The following LRP1B variants were observed in gnomAD, a reference collection of about 807,000 sequenced individuals.
The protein encoded by LRP1B is LDL receptor related protein 1B, also known as low-density lipoprotein receptor-related protein 1B.
Under a neutral mutation model 556.6 loss-of-function variants are expected in LRP1B, and 217 were observed. The ratio of observed to expected loss-of-function variants is 0.39; its 90% CI spans 0.35 to 0.44. The LOEUF (loss-of-function observed/expected upper bound fraction) is 0.44, where lower values mean the gene tolerates loss of function less well. Among genes scored for constraint, LRP1B ranks in the 20% least tolerant of loss-of-function variants. The pLI, the probability that LRP1B is intolerant of heterozygous loss-of-function variation, is 1.00. For missense variants in LRP1B, 5,053 were observed against 5,620.8 expected, an observed-to-expected ratio of 0.90 and a Z score of 3.23; for synonymous variants, 2,047 against 1,865.8, an observed-to-expected ratio of 1.10 and a Z score of -2.50.
intron 2 of LRP1B, among the ~76,000 whole-genome samples, chr2:141,710,785 C>T (rs1692329636): frequency 1.3e-5 from 2 of 152,240 alleles, no homozygotes; most frequent in South Asian, 4.1e-4. Context: ...TGAAAGTGAC[C>T]TTTGGTTATT....
intron 3 of LRP1B, among the ~76,000 whole-genome samples, chr2:141,332,620 C>CT (rs900856792): frequency 1.3e-5 from 2 of 151,048 alleles, no homozygotes; most frequent in Non-Finnish European, 1.5e-5. Context: ...TCACAGCATT[C>CT]TTTTTTTTCT....
chr2:142,123,443 C>A (rs921406697), intron 1 of LRP1B, among the ~76,000 whole-genome samples: 1 of 151,898 alleles, frequency 6.6e-6, no homozygotes, highest in Admixed American at 6.6e-5. Context: ...TAGGTGGTAC[C>A]TTGATCTTAC....
rs1694146236 is a variant in LRP1B, at chr2:140,902,938, C to T, written c.3748G>A (p.Glu1250Lys). Residue 1250 changes from glutamate to lysine, a missense_variant, in exon 23 of 91, where the codon GAA becomes AAA. Physicochemically the swap from Glu to Lys is moderately conservative, Grantham distance 56 (BLOSUM62 1). Coordinates refer to ENST00000389484, the MANE Select transcript of LRP1B (RefSeq NM_018557.3). The part of the protein sequence containing the change: ...YEGWKLDVDG[E>K]SCTSVDPFEA... Reference sequence around the variant, plus strand: ...TACTTACCAACACTTGTACAACTTTCACCGTCTACATCCAGCTTCCAACCT... The same window carrying T: ...TACTTACCAACACTTGTACAACTTTTACCGTCTACATCCAGCTTCCAACCT... 7.4e-6 allele frequency: 12 copies of T among 1,613,476 alleles called. No individual in the cohort carries two copies. In the East Asian group the frequency reaches 2.7e-4, roughly 36 times the overall value.
At position 141,840,577 on chromosome 2, in the gene LRP1B, C is replaced by T. The variant is rs376349003; in HGVS notation, c.83-30176G>A. 1.1e-4 allele frequency among the ~76,000 whole-genome samples: 17 copies of T among 152,176 alleles called. 1 individual carries two copies. In the East Asian group the frequency reaches 2.9e-3, roughly 26 times the overall value. On this transcript the variant is annotated intron_variant, in intron 1 of 90. Coordinates refer to ENST00000389484, the MANE Select transcript of LRP1B (RefSeq NM_018557.3). ...CGGCATTATTAGAACAAATTTCATCCTTGGAGTGCTTATTGAGCATCCGCT... is the reference window on the plus strand; with the variant it reads ...CGGCATTATTAGAACAAATTTCATCTTTGGAGTGCTTATTGAGCATCCGCT...
intron 1 of LRP1B, among the ~76,000 whole-genome samples, chr2:142,079,499 CT>C (rs56306746): frequency 0.72 from 107,976 of 150,978 alleles, 39,111 homozygotes; most frequent in Non-Finnish European, 0.76. Flanking sequence ...CTTTCTTTCT[CT>C]TTTTTTTTAT....
At chr2:141,762,419 T>C (rs1018451777) in intron 2 of LRP1B, among the ~76,000 whole-genome samples, 2 of 152,126 alleles carry the variant, frequency 1.3e-5, no homozygotes, top group African/African-American at 4.8e-5. Context: ...CCCATAGGAA[T>C]GGTGACCAAT....
At chr2:140,577,020 T>C (rs980835928) in intron 43 of LRP1B, among the ~76,000 whole-genome samples, 3 of 152,144 alleles carry the variant, frequency 2.0e-5, no homozygotes, top group Non-Finnish European at 4.4e-5. Flanking sequence ...CCAGTGCAGT[T>C]AGTAGTGAGT....
chr2:140,528,360 T>A (rs1009072320), intron 47 of LRP1B, among the ~76,000 whole-genome samples: 4 of 151,884 alleles, frequency 2.6e-5, no homozygotes, highest in Non-Finnish European at 4.4e-5. Context: ...TGAAAATAAA[T>A]TTTAACTTTG....
chr2:140,520,302 G>T (rs1420892497), intron 49 of LRP1B, among the ~76,000 whole-genome samples: 1 of 152,128 alleles, frequency 6.6e-6, no homozygotes, highest in African/African-American at 2.4e-5. Context: ...CATGTCCTTT[G>T]TAAGGACATG....
intron 18 of LRP1B, among the ~76,000 whole-genome samples, chr2:140,981,281 T>TA (rs373685261): frequency 1.1e-4 from 17 of 152,038 alleles, no homozygotes; most frequent in African/African-American, 2.9e-4. Context: ...ACAGAAGGGT[T>TA]AAAAAAACCT....
At chr2:141,402,512 T>A (rs776754055) in intron 3 of LRP1B, among the ~76,000 whole-genome samples, 41 of 152,196 alleles carry the variant, frequency 2.7e-4, no homozygotes, top group Admixed American at 7.9e-4. Flanking sequence ...ACATTATTTT[T>A]AATAGTGTTT....
At chr2:141,954,967 G>A (rs886995064) in intron 1 of LRP1B, among the ~76,000 whole-genome samples, 15 of 152,086 alleles carry the variant, frequency 9.9e-5, no homozygotes, top group African/African-American at 3.6e-4. Flanking sequence ...GATCGTCGGT[G>A]TTCCCATTGC....
intron 11 of LRP1B, among the ~76,000 whole-genome samples, chr2:141,026,247 C>G (rs192888809): frequency 6.6e-6 from 1 of 152,168 alleles, no homozygotes; most frequent in Admixed American, 6.6e-5. Context: ...GAAAAGTCTA[C>G]CCTATTAGTA....
intron 1 of LRP1B, among the ~76,000 whole-genome samples, chr2:141,904,877 A>T (rs780346709): frequency 5.3e-5 from 8 of 151,972 alleles, no homozygotes; most frequent in Non-Finnish European, 1.0e-4. Context: ...GCGGCTGACA[A>T]GTCTAATAAG....
intron 2 of LRP1B, among the ~76,000 whole-genome samples, chr2:141,725,411 A>C (rs1375794091): frequency 6.6e-6 from 1 of 151,920 alleles, no homozygotes; most frequent in Non-Finnish European, 1.5e-5. Context: ...CACTGATTAA[A>C]AGGTCATCAG....
chr2:141,399,585 A>C (rs1339218290), intron 3 of LRP1B, among the ~76,000 whole-genome samples: 1 of 152,162 alleles, frequency 6.6e-6, no homozygotes, highest in Non-Finnish European at 1.5e-5. Context: ...TAATATAACT[A>C]TAACCCCCAA....
At chr2:140,495,799 T>G in intron 55 of LRP1B, 51 bp from the exon 56 acceptor site, 1 of 1,466,808 alleles carries the variant, frequency 6.8e-7, no homozygotes, top group Non-Finnish European at 9.4e-7. Context: ...TCACTGTCTT[T>G]TACTTTTGGA....
intron 1 of LRP1B, among the ~76,000 whole-genome samples, chr2:141,946,123 A>G (rs1700948562): frequency 6.6e-6 from 1 of 152,048 alleles, no homozygotes; most frequent in South Asian, 2.1e-4. Context: ...CCCACAGCCT[A>G]GTATTTTCCT....
chr2:140,782,058 G>C (rs200786580), intron 32 of LRP1B, among the ~76,000 whole-genome samples: 2 of 52,698 alleles, frequency 3.8e-5, no homozygotes, highest in Admixed American at 2.2e-4. Flanking sequence ...CACATTTTTT[G>C]TTGTTGTTGT....
Sources: gnomAD v4.1 joint callset for allele counts (sites outside exome capture counted in the v4.1 genomes callset) on GRCh38, gnomAD v4.1.1 for gene constraint, MANE v1.5 for transcripts, NCBI Gene and HGNC (gene_info 2026-07-23, HGNC 2026-07-21) for gene names.